Variants in VPS8 observed in about 807,000 individuals in gnomAD.
The protein encoded by VPS8 is VPS8 subunit of CORVET complex, also known as vacuolar protein sorting-associated protein 8 homolog.
A neutral mutation model predicts 216.4 loss-of-function variants in VPS8; 129 were observed. The observed-to-expected ratio is 0.60, with a 90% confidence interval of 0.52 to 0.69. The LOEUF (loss-of-function observed/expected upper bound fraction) is 0.69. Among genes scored for constraint, VPS8 ranks in the 30% least tolerant of loss-of-function variants. The pLI is 0.00. For missense variants in VPS8, 1,531 were observed against 1,683.5 expected (o/e 0.91, Z 1.59); for synonymous variants, 571 against 565.4 (o/e 1.01, Z -0.14).
chr3:184,907,551 A>G (rs1735714786), intron 25 of VPS8, among the ~76,000 whole-genome samples: 2 of 152,144 alleles, frequency 1.3e-5, no homozygotes, highest in Non-Finnish European at 2.9e-5. Context: ...TCCTTTCACA[A>G]GTCTCTCCCA....
At chr3:185,048,388 G>A in intron 46 of VPS8, 91 bp from the exon 47 acceptor site, 2 of 1,214,564 alleles carry the variant, frequency 1.6e-6, no homozygotes, top group Non-Finnish European at 2.4e-6. Flanking sequence ...AATGAAGGAA[G>A]CACCATGTTA....
In VPS8 at chr3:185,047,564, T is replaced by C. The variant is rs569548336; in HGVS notation, c.4057-915T>C. On this transcript the variant is annotated intron_variant, in intron 46 of 47. Coordinates refer to ENST00000625842, the MANE Select transcript of VPS8 (RefSeq NM_001009921.3). The stretch of plus-strand genomic sequence containing the variant: ...GAAAAACGTCCTTTTACCAATCTTA[T>C]ACATAAACAAAAACACTTCTGAAAT... Among the ~76,000 whole-genome samples the C allele has an allele frequency of 1.5e-4, 23 of 152,250 alleles. No individual in the cohort carries two copies. The East Asian group carries it at 4.1e-3, about 27-fold the overall frequency.
At chr3:184,991,451 G>GTCA (rs1751883061) in intron 42 of VPS8, among the ~76,000 whole-genome samples, 1 of 152,152 alleles carries the variant, frequency 6.6e-6, no homozygotes, top group African/African-American at 2.4e-5. Flanking sequence ...CCAGCATGAG[G>GTCA]TCATTTTCTT....
chr3:185,025,885 T>C (rs187615759), intron 46 of VPS8, among the ~76,000 whole-genome samples: 9 of 152,226 alleles, frequency 5.9e-5, no homozygotes, highest in Admixed American at 3.3e-4. Flanking sequence ...CTTGTGTAAA[T>C]TGGCCCCTCT....
chr3:185,043,309 G>A (rs1182819138), intron 46 of VPS8, among the ~76,000 whole-genome samples: 1 of 152,130 alleles, frequency 6.6e-6, no homozygotes, highest in African/African-American at 2.4e-5. Flanking sequence ...CCTTCATTGG[G>A]CTAATGTATA....
intron 42 of VPS8, among the ~76,000 whole-genome samples, chr3:184,986,992 ATGGGTT>A (rs1324634310): frequency 1.3e-5 from 2 of 152,178 alleles, no homozygotes; most frequent in Non-Finnish European, 2.9e-5. Context: ...GTACAGTTGT[ATGGGTT>A]TTGACAAATG....
chr3:184,846,387 A>G (rs1319114185), intron 8 of VPS8, among the ~76,000 whole-genome samples: 1 of 152,198 alleles, frequency 6.6e-6, no homozygotes, highest in Non-Finnish European at 1.5e-5. Context: ...TTTTTAATCT[A>G]CAAGTTATGT....
chr3:184,913,759 G>C (rs993513350), intron 26 of VPS8, among the ~76,000 whole-genome samples, 198 bp downstream of exon 26: 9 of 152,038 alleles, frequency 5.9e-5, no homozygotes, highest in South Asian at 2.1e-4. Context: ...AGACATTTTT[G>C]GTTGTTATAA....
chr3:184,895,610 TCCTC>T (rs1560568953), intron 23 of VPS8, among the ~76,000 whole-genome samples: 28 of 7,720 alleles, frequency 3.6e-3, no homozygotes, highest in Non-Finnish European at 5.4e-3. Flanking sequence ...CCCCCCCTCC[TCCTC>T]CCCCCCTCCT....
intron 21 of VPS8, among the ~76,000 whole-genome samples, chr3:184,877,026 TC>T (rs1478045625): frequency 3.9e-5 from 6 of 152,212 alleles, no homozygotes; most frequent in Non-Finnish European, 7.3e-5. Flanking sequence ...GCCTAACTGC[TC>T]CTAATTCTCT....
At chr3:185,048,839 C>T (rs1213919681) in intron 47 of VPS8, among the ~76,000 whole-genome samples, 7 of 152,136 alleles carry the variant, frequency 4.6e-5, no homozygotes, top group Non-Finnish European at 1.0e-4. Flanking sequence ...GAGAGCAGGC[C>T]AGAAGGTTGA....
At chr3:185,023,249 T>G (rs945725679) in intron 45 of VPS8, among the ~76,000 whole-genome samples, 2 of 151,208 alleles carry the variant, frequency 1.3e-5, no homozygotes, top group Non-Finnish European at 2.9e-5. Context: ...ATCTGACTTC[T>G]TTCACTCAGC....
At chr3:184,965,780 G>C (rs562081216) in intron 38 of VPS8, among the ~76,000 whole-genome samples, 2 of 152,300 alleles carry the variant, frequency 1.3e-5, no homozygotes, top group East Asian at 3.9e-4. Flanking sequence ...GACAATACTT[G>C]GGAGGCCATT....
rs1740317622 is a variant in VPS8, at chr3:184,929,569, T to G, written c.2715-11T>G. 2.0e-6 allele frequency: 3 copies of G among 1,470,982 alleles called. No individual in the cohort carries two copies. Among genetic ancestry groups the G allele is most frequent in the Non-Finnish European group, 2.8e-6 (3 of 1,081,258 alleles). 91.1% of individuals were successfully genotyped at this position (1,470,982 alleles called of 1,614,324 possible). A position where few individuals can be genotyped will look rare whatever the true frequency, so the allele number is the denominator to read the frequency against. On this transcript the variant is annotated splice_polypyrimidine_tract_variant and intron_variant, in intron 32 of 47. Transcript: ENST00000625842. ...GTTTGGTACACTGAAGTTTTTCCCT[T>G]TACATTCTAGCTATCAAATTTGTGA...
intron 31 of VPS8, 33 bp from the exon 32 acceptor site, chr3:184,928,418 A>G (rs367878824): frequency 3.1e-4 from 462 of 1,499,732 alleles, no homozygotes; most frequent in Middle Eastern, 2.9e-3. Flanking sequence ...GTAAATTCTC[A>G]AGTGTTTTTA....
rs541321901 is a variant in VPS8 at position 184,960,236 on chromosome 3, C to G, written c.3183+2715C>G. ...GCCACATTTTCTTAATCCAGTCTAT[C>G]ATTGTTGGACATTTGGGTTGGTTCC... On this transcript the variant is annotated intron_variant, in intron 37 of 47. Coordinates refer to ENST00000625842, the MANE Select transcript of VPS8 (RefSeq NM_001009921.3). Among the ~76,000 whole-genome samples, 18 of 152,192 alleles carry G rather than the reference C, an allele frequency of 1.2e-4. No homozygotes were observed. In the South Asian group the frequency reaches 3.7e-3, roughly 32 times the overall value.
At chr3:184,826,338 A>G (rs758397940) in intron 3 of VPS8, 107 bp downstream of exon 3, 33 of 707,614 alleles carry the variant, frequency 4.7e-5, no homozygotes, top group Non-Finnish European at 7.3e-5. Context: ...CCAGTAGGGT[A>G]GCCACTAGTC....
intron 34 of VPS8, 33 bp downstream of exon 34, chr3:184,930,601 C>T (rs933668605): frequency 6.7e-7 from 1 of 1,500,876 alleles, no homozygotes; most frequent in African/African-American, 1.4e-5. Flanking sequence ...ACTTCACCAT[C>T]TGAACGATCA....
At chr3:184,938,111 A>G (rs1224389899) in intron 35 of VPS8, among the ~76,000 whole-genome samples, 1 of 152,180 alleles carries the variant, frequency 6.6e-6, no homozygotes, top group Non-Finnish European at 1.5e-5. Context: ...GACTAGCACT[A>G]AGTCAGTGGC....
Sources: allele counts gnomAD v4.1 joint callset (sites outside exome capture counted in the v4.1 genomes callset), GRCh38; gene constraint gnomAD v4.1.1; transcripts MANE v1.5; gene names NCBI Gene and HGNC (gene_info 2026-07-23, HGNC 2026-07-21).